Variants in VEPH1 observed in about 807,000 individuals in gnomAD.
VEPH1 encodes the protein ventricular zone expressed PH domain containing 1, also known as ventricular zone-expressed PH domain-containing protein homolog 1.
A neutral mutation model predicts 85.2 loss-of-function variants in VEPH1; 80 were observed. The observed-to-expected ratio is 0.94, with a 90% CI of 0.78 to 1.13. The LOEUF is 1.13. Ranked by LOEUF, VEPH1 falls within the 50% of genes most tolerant of loss-of-function variation. The pLI, the probability that VEPH1 is intolerant of heterozygous loss-of-function variation, is 0.00. For missense variants in VEPH1, 955 were observed against 980.5 expected, an observed-to-expected ratio of 0.97 and a Z score of 0.35; for synonymous variants, 297 against 348.0, an observed-to-expected ratio of 0.85 and a Z score of 1.63.
intron 11 of VEPH1, among the ~76,000 whole-genome samples, chr3:157,302,774 A>G (rs528002168): frequency 1.9e-4 from 29 of 152,302 alleles, no homozygotes; most frequent in South Asian, 1.0e-3. Context: ...GCTTCTTGCC[A>G]TGGTCTAAAA....
At chr3:157,482,883 C>A (rs1738252992) in intron 2 of VEPH1, among the ~76,000 whole-genome samples, 1 of 152,156 alleles carries the variant, frequency 6.6e-6, no homozygotes, top group East Asian at 1.9e-4. Context: ...TTCTAGGACC[C>A]TTTTGGTGGT....
At chr3:157,495,137 T>C in intron 2 of VEPH1, 75 bp downstream of exon 2, 3 of 1,438,284 alleles carry the variant, frequency 2.1e-6, no homozygotes, top group South Asian at 1.3e-5. Flanking sequence ...AAGATCTTTC[T>C]GCCAGGATAT....
At chr3:157,374,446 T>G (rs1577485256) in intron 7 of VEPH1, among the ~76,000 whole-genome samples, 1 of 152,238 alleles carries the variant, frequency 6.6e-6, no homozygotes, top group Non-Finnish European at 1.5e-5. Context: ...CAACAGCTGC[T>G]TTCAAAGAAT....
chr3:157,380,986 T>C, intron 7 of VEPH1, 170 bp downstream of exon 7: 1 of 661,406 alleles, frequency 1.5e-6, no homozygotes, highest in Non-Finnish European at 2.6e-6. Context: ...ATTCTGGTTT[T>C]CACACATTTA....
intron 5 of VEPH1, among the ~76,000 whole-genome samples, chr3:157,426,581 C>T (rs1577627297): frequency 6.6e-6 from 1 of 152,088 alleles, no homozygotes; most frequent in Non-Finnish European, 1.5e-5. Flanking sequence ...TCGTAAACAT[C>T]CTAATTGTTA....
intron 9 of VEPH1, among the ~76,000 whole-genome samples, chr3:157,346,619 T>A (rs1004747225): frequency 6.6e-6 from 1 of 152,182 alleles, no homozygotes; most frequent in South Asian, 2.1e-4. Context: ...ACTTTTTTTT[T>A]TCTTTTGAGA....
Position 157,481,433 on chromosome 3 carries a change from A to AACACAC in VEPH1, c.139-10910_139-10905dup, listed in dbSNP as rs1177654727. Among the ~76,000 whole-genome samples, 222 of 38,666 alleles carry AACACAC rather than the reference A, an allele frequency of 5.7e-3. 8 individuals carry two copies. The highest frequency in any genetic ancestry group is 7.3e-3 in the Non-Finnish European group (163 of 22,392). 25.4% of individuals were successfully genotyped at this position (38,666 alleles called of 152,430 possible). A position where few individuals can be genotyped will look rare whatever the true frequency, so the allele number is the denominator to read the frequency against. On this transcript the variant is annotated intron_variant, in intron 2 of 13. Transcript: ENST00000362010. ...CTATTCTAAAATTCATATGGAACCA[A>AACACAC]ACACACACACACACACACACACACA...
At chr3:157,421,028 C>T (rs888547781) in intron 5 of VEPH1, among the ~76,000 whole-genome samples, 6 of 152,164 alleles carry the variant, frequency 3.9e-5, no homozygotes. Flanking sequence ...CCTGAGAATT[C>T]TCTGGAGGTA....
At chr3:157,481,738 G>A (rs1261133214) in intron 2 of VEPH1, among the ~76,000 whole-genome samples, 1 of 152,094 alleles carries the variant, frequency 6.6e-6, no homozygotes, top group Non-Finnish European at 1.5e-5. Flanking sequence ...ATAATTTGAG[G>A]TCTTACATTT....
At chr3:157,361,516 T>A (rs1726046578) in intron 9 of VEPH1, among the ~76,000 whole-genome samples, 1 of 152,228 alleles carries the variant, frequency 6.6e-6, no homozygotes, top group Admixed American at 6.5e-5. Context: ...ATTCTTCAAC[T>A]ATTTTTCTTT....
chr3:157,294,352 T>C (rs970981472), intron 11 of VEPH1, among the ~76,000 whole-genome samples: 3 of 152,276 alleles, frequency 2.0e-5, no homozygotes, highest in Admixed American at 2.0e-4. Flanking sequence ...TTGGAACAGA[T>C]ACGTATTCTT....
intron 2 of VEPH1, among the ~76,000 whole-genome samples, chr3:157,476,319 G>A (rs964372626): frequency 3.0e-4 from 46 of 152,230 alleles, no homozygotes; most frequent in African/African-American, 1.0e-3. Context: ...GAATTTACAC[G>A]TAATCCAGGA....
chr3:157,414,015 G>T lies in VEPH1; in HGVS notation c.772C>A (p.Leu258Ile), dbSNP rs748414045. 1.1e-5 allele frequency: 18 copies of T among 1,613,488 alleles called. No homozygotes were observed. The South Asian group carries it at 1.9e-4, about 17-fold the overall frequency. The part of the protein sequence containing the change: ...STHNDIILNI[L>I]IEIAVYEPVA... ...GGCTCATAGACTGCTATCTCTATGA[G>T]GATGTTTAGGATGATGTCATTATGG... The change falls in exon 6 of 14, where the codon CTC becomes ATC. Residue 258 changes from leucine to isoleucine, a missense_variant. Coordinates refer to ENST00000362010, the MANE Select transcript of VEPH1 (RefSeq NM_001167912.2).
At chr3:157,411,569 G>A (rs1731531272) in intron 6 of VEPH1, among the ~76,000 whole-genome samples, 6 of 152,100 alleles carry the variant, frequency 3.9e-5, no homozygotes, top group Admixed American at 3.9e-4. Flanking sequence ...CTCTTTTCAG[G>A]AGATTATGAC....
chr3:157,406,993 CAA>C (rs111501334), intron 6 of VEPH1, among the ~76,000 whole-genome samples: 53 of 120,620 alleles, frequency 4.4e-4, no homozygotes, highest in South Asian at 1.3e-3. Flanking sequence ...GTTGGCCTCC[CAA>C]AAAAAAAAAA....
chr3:157,447,471 C>T lies in VEPH1; in HGVS notation c.529+12710G>A, dbSNP rs896731615. Reference sequence around the variant, plus strand: ...TGATTAATAAATTCTTTCCCAACAACTTGTTTTATGGTGAACTTAAAAACC... The same window carrying T: ...TGATTAATAAATTCTTTCCCAACAATTTGTTTTATGGTGAACTTAAAAACC... On this transcript the variant is annotated intron_variant, in intron 4 of 13. Coordinates refer to ENST00000362010, the MANE Select transcript of VEPH1 (RefSeq NM_001167912.2). Among the ~76,000 whole-genome samples, 3 of 152,212 alleles carry T rather than the reference C, an allele frequency of 2.0e-5. No individual in the cohort carries two copies. In the South Asian group the frequency reaches 6.2e-4, roughly 32 times the overall value.
rs1478118121 is a variant in VEPH1 at position 157,345,654 on chromosome 3, A to G, written c.1735+17710T>C. The stretch of plus-strand genomic sequence containing the variant: ...TCAAGGATCTAGAACTAGAAATACC[A>G]TTTGACCCAGCCATCCCATTGCTGG... On this transcript the variant is annotated intron_variant, in intron 9 of 13. Coordinates refer to ENST00000362010, the MANE Select transcript of VEPH1 (RefSeq NM_001167912.2). Among the ~76,000 whole-genome samples the G allele has an allele frequency of 2.6e-5, 4 of 152,310 alleles. No individual in the cohort carries two copies. The East Asian group carries it at 5.8e-4, about 22-fold the overall frequency.
chr3:157,468,072 G>C (rs1293550775), intron 3 of VEPH1, among the ~76,000 whole-genome samples: 1 of 152,074 alleles, frequency 6.6e-6, no homozygotes, highest in Non-Finnish European at 1.5e-5. Context: ...CTCTGATCTT[G>C]GTCTTATTTC....
At chr3:157,305,909 T>C (rs1028839757) in intron 11 of VEPH1, among the ~76,000 whole-genome samples, 1 of 152,340 alleles carries the variant, frequency 6.6e-6, no homozygotes, top group East Asian at 1.9e-4. Flanking sequence ...CATGAACTTA[T>C]AGTAGTAGCT....
Sources: allele counts gnomAD v4.1 joint callset (sites outside exome capture counted in the v4.1 genomes callset), GRCh38; gene constraint gnomAD v4.1.1; transcripts MANE v1.5; gene names NCBI Gene and HGNC (gene_info 2026-07-23, HGNC 2026-07-21).